Variants in TMCO6 observed in about 807,000 individuals in gnomAD.
The protein encoded by TMCO6 is transmembrane and coiled-coil domains 6, also known as transmembrane and coiled-coil domain-containing protein 6.
Under a neutral mutation model 61.8 loss-of-function variants are expected in TMCO6, and 47 were observed. That is an observed-to-expected ratio of 0.76 (90% CI 0.60 to 0.97). TMCO6 has a LOEUF of 0.97. TMCO6 is among the 50% of genes least tolerant of loss of function. The pLI, the probability that TMCO6 is intolerant of heterozygous loss-of-function variation, is 0.00. For missense variants in TMCO6, 557 were observed against 601.6 expected, an observed-to-expected ratio of 0.93 and a Z score of 0.78; for synonymous variants, 261 against 254.2, an observed-to-expected ratio of 1.03 and a Z score of -0.25.
downstream of TMCO6, chr5:140,647,504 G>A (rs563223074): frequency 2.5e-6 from 4 of 1,612,558 alleles, no homozygotes; most frequent in South Asian, 1.1e-5. Context: ...GCTGCCGGGC[G>A]AGCGCTGACA....
Position 140,644,645 on chromosome 5 carries a change from C to T in TMCO6, c.1273C>T (p.Leu425Phe), listed in dbSNP as rs1445435303. ...CCAGCGGCTGTGGCCAGGGCCCCTG[C>T]TTCCCGCCTTGCTGCACACACTAGC... is the stretch of plus-strand genomic sequence containing the variant. ...YCQRLWPGPL[L>F]PALLHTLAFS... Residue 425 changes from leucine to phenylalanine, a missense_variant, in exon 11 of 12, where the codon CTT becomes TTT. By Grantham distance (22) the Leu-to-Phe change is conservative (BLOSUM62 0). Transcript: ENST00000394671. 6.2e-7 allele frequency: 1 copy of T among 1,614,254 alleles called. No homozygotes were observed. The highest frequency in any genetic ancestry group is 8.5e-7 in the Non-Finnish European group (1 of 1,180,046).
chr5:140,637,183 C>T (rs888166899), upstream of TMCO6, among the ~76,000 whole-genome samples: 1 of 152,090 alleles, frequency 6.6e-6, no homozygotes, highest in African/African-American at 2.4e-5. Context: ...AAGAACAGGG[C>T]TTGTTGACAA....
chr5:140,614,852 C>T, the TMCO6 span, among the ~76,000 whole-genome samples: 1 of 152,046 alleles, frequency 6.6e-6, no homozygotes, highest in South Asian at 2.1e-4. Context: ...CTGCCAGCCT[C>T]GGCCTCCCAA....
chr5:140,641,763 A>G lies in TMCO6; in HGVS notation c.297A>G (p.Thr99=). ...SLRRGLQHPE[T]QQTFIRLEGS... is the part of the protein sequence containing the mutation. Reference sequence around the variant, plus strand: ...GTCGAGGCTTGCAGCACCCTGAAACACAGCAAACCTTCATCCGGTCAGTGT... The same window carrying G: ...GTCGAGGCTTGCAGCACCCTGAAACGCAGCAAACCTTCATCCGGTCAGTGT... The change falls in exon 3 of 12, where the codon ACA becomes ACG. Residue 99 remains threonine, a synonymous_variant. Coordinates refer to ENST00000394671, the MANE Select transcript of TMCO6 (RefSeq NM_018502.5). 1 of 1,614,216 alleles carries G rather than the reference A, an allele frequency of 6.2e-7. No individual in the cohort carries two copies. The highest frequency in any genetic ancestry group is 8.5e-7 in the Non-Finnish European group (1 of 1,180,034).
chr5:140,634,586 A>G (rs1385083210), upstream of TMCO6, among the ~76,000 whole-genome samples: 1 of 150,436 alleles, frequency 6.6e-6, no homozygotes, highest in African/African-American at 2.5e-5. Flanking sequence ...CCCAAGTTCA[A>G]GCAATTCTCT....
downstream of TMCO6, chr5:140,645,529 A>G (rs1216332622): frequency 4.4e-6 from 7 of 1,603,640 alleles, no homozygotes; most frequent in Non-Finnish European, 6.0e-6. Context: ...TTCACATTAT[A>G]CTAAGTCCAG....
chr5:140,616,863 T>C, the TMCO6 span, among the ~76,000 whole-genome samples: 10 of 102,852 alleles, frequency 9.7e-5, no homozygotes, highest in African/African-American at 4.0e-4. Flanking sequence ...CTGGGTAACA[T>C]GATGAACTCT....
At chr5:140,632,964 A>C in the TMCO6 span, 2 of 1,614,124 alleles carry the variant, frequency 1.2e-6, no homozygotes, top group Non-Finnish European at 1.7e-6. The surrounding 1 kb of genome is among the most constrained non-coding windows in gnomAD (Gnocchi z 6.2). Context: ...CAGCAGCAAC[A>C]AGCAGGACGC....
the TMCO6 span, among the ~76,000 whole-genome samples, chr5:140,626,046 C>G: frequency 6.6e-6 from 1 of 152,118 alleles, no homozygotes; most frequent in Non-Finnish European, 1.5e-5. Flanking sequence ...CTTCTTTCTC[C>G]CCTCCTGGCC....
the TMCO6 span, among the ~76,000 whole-genome samples, chr5:140,605,692 AACACAC>A: frequency 8.3e-3 from 981 of 118,662 alleles, 8 homozygotes; most frequent in African/African-American, 0.025. Flanking sequence ...AAAAAAACAA[AACACAC>A]ACACACACAC....
chr5:140,600,129 T>G, the TMCO6 span, among the ~76,000 whole-genome samples: 1 of 152,232 alleles, frequency 6.6e-6, no homozygotes, highest in South Asian at 2.1e-4. Flanking sequence ...TCCAACATCA[T>G]CCAAAATGTT....
chr5:140,598,825 A>G, the TMCO6 span, among the ~76,000 whole-genome samples: 1 of 152,190 alleles, frequency 6.6e-6, no homozygotes, highest in African/African-American at 2.4e-5. Flanking sequence ...AATCCCAGCT[A>G]CTCGGGAGGC....
At chr5:140,601,718 C>G in the TMCO6 span, among the ~76,000 whole-genome samples, 1 of 152,292 alleles carries the variant, frequency 6.6e-6, no homozygotes, top group South Asian at 2.1e-4. Context: ...CTCAGCATCT[C>G]CTGATAATTG....
chr5:140,635,181 G>A (rs1433272261), upstream of TMCO6, among the ~76,000 whole-genome samples: 1 of 152,202 alleles, frequency 6.6e-6, no homozygotes, highest in Non-Finnish European at 1.5e-5. Flanking sequence ...TGCCCCCTGC[G>A]GGTCCTGTTG....
the TMCO6 span, chr5:140,632,799 C>T: frequency 4.3e-6 from 7 of 1,613,648 alleles, no homozygotes; most frequent in African/African-American, 4.0e-5. This position sits in a 1 kb window ranked among gnomAD's most constrained non-coding sequence, Gnocchi z 6.2. Context: ...GTTGAGACCG[C>T]CGGCATGGAT....
At chr5:140,608,689 A>G in the TMCO6 span, among the ~76,000 whole-genome samples, 28 of 152,320 alleles carry the variant, frequency 1.8e-4, no homozygotes, top group African/African-American at 6.7e-4. Context: ...GATTTGAGGT[A>G]AGGGTCCAAC....
the TMCO6 span, among the ~76,000 whole-genome samples, chr5:140,623,164 C>A: frequency 6.6e-6 from 1 of 152,174 alleles, no homozygotes; most frequent in African/African-American, 2.4e-5. Context: ...GAGCTGGAGT[C>A]CTTTAAAAAC....
the TMCO6 span, among the ~76,000 whole-genome samples, chr5:140,606,550 C>T: frequency 1.3e-5 from 2 of 152,112 alleles, no homozygotes; most frequent in East Asian, 1.9e-4. Context: ...TATACATAGT[C>T]ATGCACCACA....
At chr5:140,642,764 A>G in intron 6 of TMCO6, 93 bp downstream of exon 6, 1 of 1,583,770 alleles carries the variant, frequency 6.3e-7, no homozygotes, top group Non-Finnish European at 8.7e-7. Flanking sequence ...GCTGTTGCAC[A>G]TTTTAAATTC....
Sources: gnomAD v4.1 joint callset for allele counts (sites outside exome capture counted in the v4.1 genomes callset) on GRCh38, gnomAD v4.1.1 for gene constraint, Gnocchi (gnomAD v3.1) non-coding constraint, MANE v1.5 for transcripts, NCBI Gene and HGNC (gene_info 2026-07-23, HGNC 2026-07-21) for gene names.